Variants in CSMD1 observed in about 807,000 individuals in gnomAD.
CSMD1 encodes CUB and sushi domain-containing protein 1.
In CSMD1, 213 loss-of-function variants were observed where a neutral mutation model predicts 417.5. That is an observed-to-expected ratio of 0.51 (90% CI 0.46 to 0.57). The LOEUF (loss-of-function observed/expected upper bound fraction) is 0.57. CSMD1 is among the 20% of genes least tolerant of loss of function. The pLI is 0.00. For synonymous variants in CSMD1, 2,862 were observed against 1,736.8 expected (o/e 1.65, Z -16.11); for missense variants, 6,923 against 4,529.7 (o/e 1.53, Z -15.17).
rs1463181884 is a variant in CSMD1 at position 3,931,176 on chromosome 8, C to T, written c.818+66727G>A. ...ACATCGTCTGCATCTTTTAAAGCAT[C>T]TTCCCCTCATATCCATTTAGGAAGA... On this transcript the variant is annotated intron_variant, in intron 5 of 69. Transcript: ENST00000635120. Among the ~76,000 whole-genome samples the T allele has an allele frequency of 6.0e-5, 9 of 150,710 alleles. 1 individual carries two copies. Among genetic ancestry groups the T allele is most frequent in the Non-Finnish European group, 7.4e-5 (5 of 67,622 alleles).
At position 3,361,190 on chromosome 8, in the gene CSMD1, C is replaced by T. The variant is rs781765851; in HGVS notation, c.3116-1850G>A. On this transcript the variant is annotated intron_variant, in intron 20 of 69. Transcript: ENST00000635120. ...AAACATTAATTGACAACCTATCATA[C>T]GTTTACTTTTTAGAACATATTAAAA... Among the ~76,000 whole-genome samples the T allele has an allele frequency of 5.3e-5, 8 of 152,090 alleles. No individual in the cohort carries two copies. In the East Asian group the frequency reaches 1.2e-3, roughly 22 times the overall value.
intron 2 of CSMD1, among the ~76,000 whole-genome samples, chr8:4,546,401 A>C (rs994906813): frequency 6.6e-6 from 1 of 152,150 alleles, no homozygotes; most frequent in Non-Finnish European, 1.5e-5. Context: ...GGGTTTCTAG[A>C]AGATATTAGA....
At chr8:3,681,529 G>T (rs1799660881) in intron 7 of CSMD1, among the ~76,000 whole-genome samples, 1 of 152,164 alleles carries the variant, frequency 6.6e-6, no homozygotes, top group Non-Finnish European at 1.5e-5. Context: ...ACTGCTCAAT[G>T]AAATAAAAGA....
intron 38 of CSMD1, among the ~76,000 whole-genome samples, chr8:3,159,605 T>G (rs542455382): frequency 5.3e-5 from 8 of 152,330 alleles, no homozygotes; most frequent in African/African-American, 1.9e-4. Context: ...AAATTGTCAG[T>G]TGTTAGCAAT....
chr8:4,744,467 A>C (rs559612374), intron 1 of CSMD1, among the ~76,000 whole-genome samples: 1 of 152,174 alleles, frequency 6.6e-6, no homozygotes, highest in Non-Finnish European at 1.5e-5. Flanking sequence ...AATGCTCTCC[A>C]TAAGTGAGGA....
At chr8:4,466,816 A>C (rs549438108) in intron 2 of CSMD1, among the ~76,000 whole-genome samples, 27 of 152,288 alleles carry the variant, frequency 1.8e-4, no homozygotes, top group African/African-American at 6.5e-4. Context: ...CAAGCCATTT[A>C]AAATTTAAAT....
intron 10 of CSMD1, among the ~76,000 whole-genome samples, chr8:3,496,295 T>G (rs977064624): frequency 1.3e-5 from 2 of 152,182 alleles, no homozygotes; most frequent in Non-Finnish European, 2.9e-5. Flanking sequence ...TAACATTCCC[T>G]GTGTTGGCAG....
At chr8:4,042,972 G>A (rs186267000) in intron 3 of CSMD1, among the ~76,000 whole-genome samples, 1 of 149,324 alleles carries the variant, frequency 6.7e-6, no homozygotes, top group African/African-American at 2.5e-5. Flanking sequence ...CTAAATATGG[G>A]AAAAAAAAAA....
At chr8:4,164,344 T>C (rs777204444) in intron 3 of CSMD1, among the ~76,000 whole-genome samples, 1 of 152,138 alleles carries the variant, frequency 6.6e-6, no homozygotes, top group African/African-American at 2.4e-5. Flanking sequence ...ATAGTATTCA[T>C]AAAACAACAG....
intron 1 of CSMD1, among the ~76,000 whole-genome samples, chr8:4,752,157 G>C (rs1164729380): frequency 1.3e-5 from 2 of 151,620 alleles, no homozygotes; most frequent in Non-Finnish European, 2.9e-5. Context: ...TTGCTCTTTA[G>C]TTCCTTACCA....
Position 2,966,608 on chromosome 8 carries a change from G to C in CSMD1, c.9062C>G (p.Ala3021Gly), listed in dbSNP as rs1326787216. The C allele has an allele frequency of 6.2e-7, 1 of 1,613,626 alleles. No homozygotes were observed. Among genetic ancestry groups the C allele is most frequent in the Non-Finnish European group, 8.5e-7 (1 of 1,179,796 alleles). ...AGCAGTGCCTGTCCAGGTCCCATTG[G>C]CTGTGCAATGCCGTGTCATGAGCCC... ...TSGLMTRHCT[A>G]NGTWTGTAPD... The change falls in exon 58 of 70, where the codon GCC becomes GGC. Residue 3021 changes from alanine (A) to glycine (G), a missense_variant. Ala to Gly is a moderately conservative substitution (Grantham distance 60). Transcript: ENST00000635120.
At chr8:4,897,335 T>C (rs530186819) in intron 1 of CSMD1, among the ~76,000 whole-genome samples, 1 of 152,242 alleles carries the variant, frequency 6.6e-6, no homozygotes, top group East Asian at 1.9e-4. Context: ...AGTATGCCAA[T>C]ATATATTGTT....
At chr8:4,288,796 C>A (rs554760720) in intron 3 of CSMD1, among the ~76,000 whole-genome samples, 50 of 152,244 alleles carry the variant, frequency 3.3e-4, no homozygotes, top group African/African-American at 1.2e-3. Context: ...ACGTAGCAGC[C>A]AACATTGAGC....
At chr8:4,941,102 G>C (rs1217632947) in intron 1 of CSMD1, among the ~76,000 whole-genome samples, 1 of 152,036 alleles carries the variant, frequency 6.6e-6, no homozygotes, top group Non-Finnish European at 1.5e-5. Context: ...TTGAATTTTG[G>C]AGTTTGTCTT....
At chr8:4,979,978 C>G (rs922434829) in intron 1 of CSMD1, among the ~76,000 whole-genome samples, 1 of 152,154 alleles carries the variant, frequency 6.6e-6, no homozygotes, top group Admixed American at 6.5e-5. Context: ...GCGCAGCTTG[C>G]AGTGAGCCAA....
intron 5 of CSMD1, among the ~76,000 whole-genome samples, chr8:3,862,324 G>C (rs752893703): frequency 2.6e-5 from 4 of 152,154 alleles, no homozygotes; most frequent in Admixed American, 1.3e-4. Context: ...ATCTGCCCAA[G>C]GGCGTCCACC....
At chr8:4,288,037 G>C (rs1004437137) in intron 3 of CSMD1, among the ~76,000 whole-genome samples, 1 of 152,148 alleles carries the variant, frequency 6.6e-6, no homozygotes, top group African/African-American at 2.4e-5. Context: ...ACCATCAAAA[G>C]ACAGAAAGCT....
intron 1 of CSMD1, among the ~76,000 whole-genome samples, chr8:4,852,397 G>A (rs564770781): frequency 1.2e-4 from 18 of 151,948 alleles, no homozygotes; most frequent in African/African-American, 2.4e-4. Context: ...TCTCTCTCTC[G>A]TTCTCACTCT....
chr8:4,248,064 A>T (rs542004486), intron 3 of CSMD1, among the ~76,000 whole-genome samples: 1 of 152,192 alleles, frequency 6.6e-6, no homozygotes, highest in Non-Finnish European at 1.5e-5. Context: ...AATGAATGGA[A>T]ATTGTTAAGG....
Sources: gnomAD v4.1 joint callset for allele counts (sites outside exome capture counted in the v4.1 genomes callset) on GRCh38, gnomAD v4.1.1 for gene constraint, MANE v1.5 for transcripts, NCBI Gene and HGNC (gene_info 2026-07-23, HGNC 2026-07-21) for gene names.